The following CLEC7A variants were observed in gnomAD, a reference collection of about 807,000 sequenced individuals.
CLEC7A encodes the protein C-type lectin domain containing 7A, also known as C-type lectin domain family 7 member A.
In CLEC7A, 25 loss-of-function variants were observed where a neutral mutation model predicts 26.9. The ratio of observed to expected loss-of-function variants is 0.93; its 90% CI spans 0.68 to 1.30. CLEC7A has a LOEUF of 1.30. CLEC7A is among the 50% of genes most tolerant of loss of function. The pLI, the probability that CLEC7A is intolerant of heterozygous loss-of-function variation, is 0.00. For missense variants in CLEC7A, 275 were observed against 286.7 expected, an observed-to-expected ratio of 0.96 and a Z score of 0.29; for synonymous variants, 100 against 99.5, an observed-to-expected ratio of 1.01 and a Z score of -0.03.
intron 5 of CLEC7A, among the ~76,000 whole-genome samples, chr12:10,119,283 C>T (rs530038408): frequency 6.6e-6 from 1 of 152,278 alleles, no homozygotes; most frequent in African/African-American, 2.4e-5. Flanking sequence ...TGTATCTCTC[C>T]CTCTTGACCC....
rs144190589 is a variant in CLEC7A, at chr12:10,125,392, G to A, written c.397C>T (p.Leu133=). ...CAGGAATTTAGTGACATGCTGAATAGATAACAGCTCTTCTCATATATAATC... is the reference window on the plus strand; with the variant it reads ...CAGGAATTTAGTGACATGCTGAATAAATAACAGCTCTTCTCATATATAATC... ...NWIIYEKSCY[L]FSMSLNSWDG... Residue 133 remains leucine (L), a synonymous_variant, in exon 4 of 6, where the codon CTA becomes TTA. Transcript: ENST00000304084. 13,985 of 1,613,232 alleles carry A rather than the reference G, an allele frequency of 8.7e-3. 89 individuals carry two copies. Among genetic ancestry groups the A allele is most frequent in the South Asian group, 0.012 (1,093 of 91,066 alleles).
Position 10,117,209 on chromosome 12 carries a change from G to A in CLEC7A, c.*1249C>T, listed in dbSNP as rs1471240742. On this transcript the variant is annotated 3_prime_UTR_variant, in exon 6 of 6. Transcript: ENST00000304084. ...TAAAAAGCAGAAAACTTTCCTATGA[G>A]AGCAGTTTCCCTACAATTACATATT... 2 of 152,110 alleles carry A rather than the reference G, an allele frequency of 1.3e-5. No individual in the cohort carries two copies. Among genetic ancestry groups the A allele is most frequent in the African/African-American group, 4.8e-5 (2 of 41,432 alleles). 9.4% of individuals were successfully genotyped at this position (152,110 alleles called of 1,614,324 possible). A position where few individuals can be genotyped will look rare whatever the true frequency, so the allele number is the denominator to read the frequency against.
chr12:10,126,510 G>C, intron 3 of CLEC7A, 61 bp downstream of exon 3: 1 of 1,519,586 alleles, frequency 6.6e-7, no homozygotes, highest in Non-Finnish European at 8.8e-7. Context: ...CCTGCCCCAG[G>C]CTTCAGCACC....
intron 1 of CLEC7A, among the ~76,000 whole-genome samples, chr12:10,128,245 CACCACCAA>C (rs1565410077): frequency 1.1e-4 from 11 of 104,660 alleles, no homozygotes; most frequent in Non-Finnish European, 9.2e-5. Context: ...CACACACACA[CACCACCAA>C]CAACAACAAC....
At chr12:10,125,501 T>A in intron 3 of CLEC7A, 53 bp from the exon 4 acceptor site, 2 of 1,459,082 alleles carry the variant, frequency 1.4e-6, no homozygotes, top group Non-Finnish European at 1.9e-6. Flanking sequence ...ATTCACTCTT[T>A]TAGTGTGAAC....
intron 1 of CLEC7A, among the ~76,000 whole-genome samples, chr12:10,129,023 T>C (rs989863509): frequency 1.7e-4 from 26 of 152,190 alleles, no homozygotes; most frequent in African/African-American, 6.3e-4. Context: ...TTTCATAGAA[T>C]TGTCACATAG....
chr12:10,126,824 GATAA>G, intron 2 of CLEC7A, 116 bp from the exon 3 acceptor site: 1 of 802,932 alleles, frequency 1.2e-6, no homozygotes, highest in Non-Finnish European at 1.9e-6. Flanking sequence ...ATTGATTAAT[GATAA>G]ATAGATGATA....
rs1565408088 is a variant in CLEC7A at position 10,126,725 on chromosome 12, T to C, written c.203-17A>G. On this transcript the variant is annotated splice_polypyrimidine_tract_variant and intron_variant, in intron 2 of 5. Transcript: ENST00000304084. The stretch of plus-strand genomic sequence containing the variant: ...TCCAAATAGCTTCACATACCAACAA[T>C]AATAATAGTGACAGAAAAAATGTCA... The C allele has an allele frequency of 6.3e-7, 1 of 1,585,322 alleles. No individual in the cohort carries two copies. Among genetic ancestry groups the C allele is most frequent in the Non-Finnish European group, 8.6e-7 (1 of 1,163,210 alleles).
At chr12:10,124,451 T>C (rs1030922374) in intron 4 of CLEC7A, among the ~76,000 whole-genome samples, 1 of 152,202 alleles carries the variant, frequency 6.6e-6, no homozygotes, top group African/African-American at 2.4e-5. Flanking sequence ...GAAAACTTCT[T>C]AGGAACACGG....
chr12:10,121,425 G>A (rs1948082616), intron 5 of CLEC7A, among the ~76,000 whole-genome samples: 1 of 152,126 alleles, frequency 6.6e-6, no homozygotes, highest in Admixed American at 6.5e-5. Context: ...AAGTAGAATC[G>A]CAGCGGAAGA....
rs139322458 is a variant in CLEC7A, at chr12:10,127,828, G to C, written c.121C>G (p.Pro41Ala). The change falls in exon 2 of 6, where the codon CCT (proline) becomes GCT (alanine). Residue 41 changes from proline (P) to alanine (A), a missense_variant. Coordinates refer to ENST00000304084, the MANE Select transcript of CLEC7A (RefSeq NM_197947.3). ...VSEKGSCAASPPWRLIAVILG... is the reference protein window; with the variant it reads ...VSEKGSCAASAPWRLIAVILG... ...ATTACAGCAATGAGGCGCCAAGGAGGAGATGCAGCACACGATCCTGAGGAG... is the reference window on the plus strand; with the variant it reads ...ATTACAGCAATGAGGCGCCAAGGAGCAGATGCAGCACACGATCCTGAGGAG... The C allele has an allele frequency of 3.2e-6, 5 of 1,563,678 alleles. No individual in the cohort carries two copies. The Admixed American group carries it at 5.8e-5, about 18-fold the overall frequency.
chr12:10,124,359 G>T (rs1324798883), intron 4 of CLEC7A, among the ~76,000 whole-genome samples: 1 of 152,128 alleles, frequency 6.6e-6, no homozygotes, highest in Non-Finnish European at 1.5e-5. Context: ...TTATAACATA[G>T]AATTTTTCCT....
rs999231169 is a variant in CLEC7A, at chr12:10,118,583, T to C, written c.619A>G (p.Ile207Val). Residue 207 changes from isoleucine to valine, a missense_variant, in exon 6 of 6, where the codon ATC (isoleucine) becomes GTC (valine). Physicochemically the swap from Ile to Val is conservative, Grantham distance 29 (BLOSUM62 3). Coordinates refer to ENST00000304084, the MANE Select transcript of CLEC7A (RefSeq NM_197947.3). ...TTTTCTTGGGTAGCTGTGGTTCTGA[T>C]CTGAAATCTGTTAAAATAGAATACA... The part of the protein sequence containing the change: ...GSTFSSNLFQ[I>V]RTTATQENPS... 1.2e-6 allele frequency: 2 copies of C among 1,612,644 alleles called. No homozygotes were observed. Among genetic ancestry groups the C allele is most frequent in the African/African-American group, 2.7e-5 (2 of 74,862 alleles).
At chr12:10,122,504 T>TGAGTTGGTGTCTCAC in intron 5 of CLEC7A, among the ~76,000 whole-genome samples, 1 of 146,672 alleles carries the variant, frequency 6.8e-6, no homozygotes. Context: ...TTTTTTTTTT[T>TGAGTTGGTGTCTCAC]TGAGTTGGAG....
chr12:10,127,854 C>T lies in CLEC7A; in HGVS notation c.104-9G>A. 4 of 1,514,112 alleles carry T rather than the reference C, an allele frequency of 2.6e-6. No individual in the cohort carries two copies. Among genetic ancestry groups the T allele is most frequent in the Non-Finnish European group, 3.6e-6 (4 of 1,120,270 alleles). The allele number at this position is 1,514,112 out of a possible 1,614,324, so 93.8% of individuals were successfully genotyped here. A position where few individuals can be genotyped will look rare whatever the true frequency, so the allele number is the denominator to read the frequency against. ...AGATGCAGCACACGATCCTGAGGAG[C>T]CAGAGGGGGCAGAAATGGAATAAAG... On this transcript the variant is annotated splice_polypyrimidine_tract_variant and intron_variant, in intron 1 of 5. Coordinates refer to ENST00000304084, the MANE Select transcript of CLEC7A (RefSeq NM_197947.3).
chr12:10,121,018 T>G (rs1289232023), intron 5 of CLEC7A, among the ~76,000 whole-genome samples: 2 of 150,772 alleles, frequency 1.3e-5, no homozygotes, highest in Non-Finnish European at 3.0e-5. Context: ...ATTGCCCCAC[T>G]GCACTCCAGC....
chr12:10,120,506 A>G (rs1243584227), intron 5 of CLEC7A, among the ~76,000 whole-genome samples: 1 of 152,174 alleles, frequency 6.6e-6, no homozygotes, highest in African/African-American at 2.4e-5. Context: ...AAAGAAATAA[A>G]CAACTAAAAT....
At chr12:10,127,056 A>C in intron 2 of CLEC7A, 1 of 1,392,630 alleles carries the variant, frequency 7.2e-7, no homozygotes, top group African/African-American at 1.4e-5. Context: ...TCTGTTATTT[A>C]AAAATGAGAG....
At chr12:10,120,756 TC>T (rs145068841) in intron 5 of CLEC7A, among the ~76,000 whole-genome samples, 47 of 59,966 alleles carry the variant, frequency 7.8e-4, no homozygotes, top group Admixed American at 2.7e-4. Context: ...TTTTTCTTTT[TC>T]TTTTTTTTTT....
Sources: allele counts gnomAD v4.1 joint callset (sites outside exome capture counted in the v4.1 genomes callset), GRCh38; gene constraint gnomAD v4.1.1; transcripts MANE v1.5; gene names NCBI Gene and HGNC (gene_info 2026-07-23, HGNC 2026-07-21).